The following ABCE1 variants were observed in gnomAD, a reference collection of about 807,000 sequenced individuals.
ABCE1 encodes ATP binding cassette subfamily E member 1, also known as ATP-binding cassette sub-family E member 1.
In ABCE1, 22 loss-of-function variants were observed where a neutral mutation model predicts 83.4. That is an observed-to-expected ratio of 0.26 (90% CI 0.19 to 0.38). ABCE1 has a LOEUF of 0.38. Ranked by LOEUF, ABCE1 falls within the 10% of genes least tolerant of loss-of-function variation. The pLI is 1.00. For missense variants in ABCE1, 330 were observed against 721.9 expected, an observed-to-expected ratio of 0.46 and a Z score of 6.22; for synonymous variants, 204 against 233.7, an observed-to-expected ratio of 0.87 and a Z score of 1.16.
intron 1 of ABCE1, among the ~76,000 whole-genome samples, chr4:145,101,585 A>G (rs1749157745): frequency 6.6e-6 from 1 of 152,212 alleles, no homozygotes; most frequent in Admixed American, 6.5e-5. Flanking sequence ...GTAAAAGCAA[A>G]GAGATCTGTT....
At chr4:145,110,293 A>G (rs1354612179) in intron 6 of ABCE1, 53 bp downstream of exon 6, 19 of 1,598,450 alleles carry the variant, frequency 1.2e-5, no homozygotes, top group Middle Eastern at 3.4e-4. Flanking sequence ...TATAAAAGAT[A>G]TATCAAAATA....
chr4:145,122,192 ACTC>A (rs548664369), intron 13 of ABCE1: 6 of 152,092 alleles, frequency 3.9e-5, no homozygotes, highest in Non-Finnish European at 7.3e-5. Flanking sequence ...GTTGTAATGA[ACTC>A]CTCAGTACCT....
At chr4:145,107,951 A>G (rs913201294) in intron 3 of ABCE1, 64 bp from the exon 4 acceptor site, 1 of 1,225,636 alleles carries the variant, frequency 8.2e-7, no homozygotes, top group Non-Finnish European at 1.1e-6. Context: ...TTTTTAATCC[A>G]TTTTAGTTAT....
intron 2 of ABCE1, among the ~76,000 whole-genome samples, chr4:145,104,908 CAA>C (rs938755152): frequency 2.6e-5 from 4 of 151,716 alleles, no homozygotes; most frequent in Non-Finnish European, 5.9e-5. Context: ...AAAAAATGAA[CAA>C]AGAGCTTAAT....
rs373397006 is a variant in ABCE1 at position 145,127,477 on chromosome 4, A to G, written c.1753-49A>G. On this transcript the variant is annotated intron_variant, in intron 17 of 17. Coordinates refer to ENST00000296577, the MANE Select transcript of ABCE1 (RefSeq NM_002940.3). ...CATGAGTGAAAGTCTACTTTTACCT[A>G]TAGTAGAATCGTGTTGCTGATTTTT... 1.5e-5 allele frequency: 22 copies of G among 1,516,140 alleles called. No individual in the cohort carries two copies. The African/African-American group carries it at 2.7e-4, about 18-fold the overall frequency. The allele number at this position is 1,516,140 out of a possible 1,614,324, so 93.9% of individuals were successfully genotyped here.
chr4:145,109,783 A>G (rs945688947), intron 5 of ABCE1, among the ~76,000 whole-genome samples: 2 of 152,212 alleles, frequency 1.3e-5, no homozygotes, highest in Non-Finnish European at 2.9e-5. Flanking sequence ...ATCCAGAAAG[A>G]TATCTTGGAT....
In ABCE1 at chr4:145,127,640, A is replaced by G. The variant is rs1749928947; in HGVS notation, c.*67A>G. ...TATTTACTAGAATTTTTTGTCATAT[A>G]AAACTTGAATCAGGATTTTATGCCC... On this transcript the variant is annotated 3_prime_UTR_variant, in exon 18 of 18. Coordinates refer to ENST00000296577, the MANE Select transcript of ABCE1 (RefSeq NM_002940.3). 7.7e-7 allele frequency: 1 copy of G among 1,306,540 alleles called. No individual in the cohort carries two copies. The highest frequency in any genetic ancestry group is 1.5e-5 in the South Asian group (1 of 66,048). 80.9% of individuals were successfully genotyped at this position (1,306,540 alleles called of 1,614,324 possible). A position where few individuals can be genotyped will look rare whatever the true frequency, so the allele number is the denominator to read the frequency against.
At chr4:145,113,719 A>T (rs1209318450) in intron 9 of ABCE1, among the ~76,000 whole-genome samples, 1 of 152,196 alleles carries the variant, frequency 6.6e-6, no homozygotes, top group African/African-American at 2.4e-5. Context: ...AACCCTAAGG[A>T]TATAATGCTA....
intron 7 of ABCE1, among the ~76,000 whole-genome samples, 187 bp downstream of exon 7, chr4:145,110,631 A>T (rs1440518759): frequency 6.6e-6 from 1 of 151,844 alleles, no homozygotes; most frequent in Non-Finnish European, 1.5e-5. Flanking sequence ...ATGTGCCACC[A>T]CGCCCAGCTA....
chr4:145,112,623 GT>G (rs1401552553), intron 9 of ABCE1, among the ~76,000 whole-genome samples: 1 of 152,018 alleles, frequency 6.6e-6, no homozygotes, highest in Non-Finnish European at 1.5e-5. Flanking sequence ...CTCTCTCTCT[GT>G]CTCTCATTTT....
At chr4:145,102,661 C>G (rs1560955977) in intron 1 of ABCE1, among the ~76,000 whole-genome samples, 1 of 151,376 alleles carries the variant, frequency 6.6e-6, no homozygotes, top group Non-Finnish European at 1.5e-5. Context: ...GGTATTTTAG[C>G]TGGGTGAGAA....
intron 9 of ABCE1, among the ~76,000 whole-genome samples, chr4:145,115,164 GA>G: frequency 6.6e-6 from 1 of 151,996 alleles, no homozygotes; most frequent in Middle Eastern, 3.4e-3. Context: ...CAACTTCTCA[GA>G]AAACAGAATG....
At chr4:145,111,203 A>G in intron 8 of ABCE1, 139 bp downstream of exon 8, 1 of 550,526 alleles carries the variant, frequency 1.8e-6, no homozygotes, top group Non-Finnish European at 3.2e-6. Flanking sequence ...AAGATGTTGA[A>G]GCAGTTGTGT....
intron 10 of ABCE1, 85 bp downstream of exon 10, chr4:145,117,499 T>C: frequency 7.5e-7 from 1 of 1,337,178 alleles, no homozygotes; most frequent in South Asian, 1.5e-5. Flanking sequence ...TAAGTAGTTT[T>C]ACATTGGTCT....
At chr4:145,121,421 A>T in intron 13 of ABCE1, 30 bp downstream of exon 13, 1 of 1,561,298 alleles carries the variant, frequency 6.4e-7, no homozygotes, top group East Asian at 2.2e-5. Flanking sequence ...ATGGTTACTA[A>T]AGAAAATTTT....
intron 17 of ABCE1, among the ~76,000 whole-genome samples, chr4:145,126,506 G>A (rs1336117415): frequency 6.6e-6 from 1 of 152,054 alleles, no homozygotes; most frequent in African/African-American, 2.4e-5. Flanking sequence ...CATCTTGCCC[G>A]TGCTAGTCTT....
chr4:145,116,525 G>A (rs1329080503), intron 9 of ABCE1, among the ~76,000 whole-genome samples: 1 of 151,872 alleles, frequency 6.6e-6, no homozygotes, highest in African/African-American at 2.4e-5. Flanking sequence ...GTAGGAAGCT[G>A]ATACATTAAT....
intron 1 of ABCE1, among the ~76,000 whole-genome samples, chr4:145,099,262 T>C (rs1342473215): frequency 6.6e-6 from 1 of 152,212 alleles, no homozygotes; most frequent in Non-Finnish European, 1.5e-5. Flanking sequence ...TATTTTCTCT[T>C]TTTTGATGGT....
intron 8 of ABCE1, 23 bp from the exon 9 acceptor site, chr4:145,112,216 C>CTTTTTTTTTTTTTTTTTTTTATTTTT: frequency 8.8e-7 from 1 of 1,130,232 alleles, no homozygotes; most frequent in Non-Finnish European, 1.2e-6. Context: ...CTTATATTTG[C>CTTTTTTTTTTTTTTTTTTTTATTTTT]TTTTTTTTTT....
Sources: allele counts gnomAD v4.1 joint callset (sites outside exome capture counted in the v4.1 genomes callset), GRCh38; gene constraint gnomAD v4.1.1; transcripts MANE v1.5; gene names NCBI Gene and HGNC (gene_info 2026-07-23, HGNC 2026-07-21).